The following KHDRBS2 variants were observed in gnomAD, a reference collection of about 807,000 sequenced individuals.
The protein encoded by KHDRBS2 is KH RNA binding domain containing, signal transduction associated 2, also known as KH domain-containing, RNA-binding, signal transduction-associated protein 2.
In KHDRBS2, 26 loss-of-function variants were observed where a neutral mutation model predicts 44.3. The ratio of observed to expected loss-of-function variants is 0.59; its 90% CI spans 0.43 to 0.81. KHDRBS2 has a LOEUF of 0.81. Ranked by LOEUF, KHDRBS2 falls within the 40% of genes least tolerant of loss-of-function variation. The pLI is 0.00. For missense variants in KHDRBS2, 476 were observed against 433.1 expected (o/e 1.10, Z -0.88); for synonymous variants, 194 against 151.1 (o/e 1.28, Z -2.08).
At chr6:61,961,907 T>G (rs1768819391) in intron 4 of KHDRBS2, among the ~76,000 whole-genome samples, 1 of 152,088 alleles carries the variant, frequency 6.6e-6, no homozygotes, top group Non-Finnish European at 1.5e-5. Flanking sequence ...ACGGGATCAT[T>G]CTGGCAGCTG....
At chr6:62,106,722 C>G (rs578150516) in intron 2 of KHDRBS2, among the ~76,000 whole-genome samples, 1 of 152,226 alleles carries the variant, frequency 6.6e-6, no homozygotes, top group South Asian at 2.1e-4. Flanking sequence ...AATCCAGCAG[C>G]ACATCAAAAA....
chr6:61,618,732 T>C, the KHDRBS2 span, among the ~76,000 whole-genome samples: 1 of 152,226 alleles, frequency 6.6e-6, no homozygotes, highest in Non-Finnish European at 1.5e-5. Flanking sequence ...TATCTGGTTT[T>C]CTGTTACTGT....
chr6:62,044,969 T>TG, intron 3 of KHDRBS2, among the ~76,000 whole-genome samples: 2 of 152,152 alleles, frequency 1.3e-5, no homozygotes, highest in East Asian at 3.9e-4. Flanking sequence ...ACATCCACAT[T>TG]GACATGTTGA....
intron 3 of KHDRBS2, among the ~76,000 whole-genome samples, chr6:62,020,226 G>C (rs933452192): frequency 6.6e-6 from 1 of 151,752 alleles, no homozygotes; most frequent in Non-Finnish European, 1.5e-5. Flanking sequence ...TTTTTCCAGA[G>C]GTATTATTTT....
At chr6:62,092,875 C>T (rs1286118310) in intron 2 of KHDRBS2, among the ~76,000 whole-genome samples, 2 of 151,970 alleles carry the variant, frequency 1.3e-5, no homozygotes, top group East Asian at 3.9e-4. Context: ...CACCCATTAG[C>T]CCCTCCTCTA....
chr6:61,658,567 T>A, the KHDRBS2 span, among the ~76,000 whole-genome samples: 4 of 152,034 alleles, frequency 2.6e-5, no homozygotes, highest in East Asian at 3.9e-4. Flanking sequence ...ATAGTACACC[T>A]CAAAATCACC....
intron 1 of KHDRBS2, among the ~76,000 whole-genome samples, chr6:62,239,643 G>C (rs973527813): frequency 1.3e-5 from 2 of 152,100 alleles, no homozygotes; most frequent in Non-Finnish European, 1.5e-5. Flanking sequence ...GGGGCATACT[G>C]TCAGTTTAGA....
chr6:61,626,741 C>T, the KHDRBS2 span, among the ~76,000 whole-genome samples: 3 of 152,186 alleles, frequency 2.0e-5, no homozygotes, highest in Admixed American at 6.5e-5. Flanking sequence ...CCTATGCATA[C>T]TGTCTTGTCA....
intron 6 of KHDRBS2, among the ~76,000 whole-genome samples, chr6:61,892,246 A>C (rs1303909382): frequency 6.6e-6 from 1 of 152,180 alleles, no homozygotes; most frequent in Non-Finnish European, 1.5e-5. Flanking sequence ...TCAATGAAAT[A>C]AAAGAGGATA....
At chr6:61,928,587 T>C (rs1809409500) in intron 4 of KHDRBS2, among the ~76,000 whole-genome samples, 1 of 152,100 alleles carries the variant, frequency 6.6e-6, no homozygotes, top group South Asian at 2.1e-4. Flanking sequence ...CTACTCACAA[T>C]ACATTTTTCT....
intron 6 of KHDRBS2, among the ~76,000 whole-genome samples, chr6:61,873,851 T>C (rs190200651): frequency 6.6e-6 from 1 of 152,020 alleles, no homozygotes; most frequent in African/African-American, 2.4e-5. Flanking sequence ...ATATATGCAA[T>C]AAGAGAAAAG....
chr6:61,992,444 G>T (rs542524620), intron 3 of KHDRBS2, among the ~76,000 whole-genome samples: 5 of 152,262 alleles, frequency 3.3e-5, no homozygotes, highest in Admixed American at 3.3e-4. Context: ...CAATGCAGAA[G>T]TGATTGCTCC....
chr6:62,173,654 T>G (rs927889979), intron 2 of KHDRBS2, among the ~76,000 whole-genome samples: 2 of 152,034 alleles, frequency 1.3e-5, no homozygotes, highest in Non-Finnish European at 2.9e-5. Context: ...TGAACGTAGA[T>G]GCAACAGTCC....
At chr6:62,043,229 A>G (rs1254544176) in intron 3 of KHDRBS2, among the ~76,000 whole-genome samples, 2 of 152,058 alleles carry the variant, frequency 1.3e-5, no homozygotes, top group Non-Finnish European at 2.9e-5. Context: ...CTTTGCCATC[A>G]ACACCCCCCA....
At chr6:62,035,686 C>T (rs1015514879) in intron 3 of KHDRBS2, among the ~76,000 whole-genome samples, 2 of 151,882 alleles carry the variant, frequency 1.3e-5, no homozygotes, top group Non-Finnish European at 2.9e-5. Context: ...ATGCCTTAGG[C>T]GATGGATACC....
chr6:61,920,975 G>C (rs1250046220), intron 4 of KHDRBS2, among the ~76,000 whole-genome samples: 4 of 151,894 alleles, frequency 2.6e-5, no homozygotes, highest in South Asian at 2.1e-4. Flanking sequence ...TCAGGGAAAG[G>C]AGGCAGGTGG....
intron 1 of KHDRBS2, among the ~76,000 whole-genome samples, chr6:62,270,813 A>G (rs1839969625): frequency 1.3e-5 from 2 of 152,146 alleles, no homozygotes; most frequent in Non-Finnish European, 2.9e-5. Context: ...AGATGACTGG[A>G]TGACCTATGA....
intron 6 of KHDRBS2, among the ~76,000 whole-genome samples, chr6:61,883,318 T>C (rs1396785245): frequency 1.3e-5 from 2 of 152,030 alleles, no homozygotes; most frequent in Non-Finnish European, 2.9e-5. Flanking sequence ...GATCACGGCA[T>C]TTTTTACTCC....
At chr6:61,606,931 G>A in the KHDRBS2 span, among the ~76,000 whole-genome samples, 5 of 152,162 alleles carry the variant, frequency 3.3e-5, no homozygotes, top group Admixed American at 3.3e-4. Context: ...TAGTGGTCAA[G>A]GGTTATCTGA....
Sources: allele counts gnomAD v4.1 joint callset (sites outside exome capture counted in the v4.1 genomes callset), GRCh38; gene constraint gnomAD v4.1.1; transcripts MANE v1.5; gene names NCBI Gene and HGNC (gene_info 2026-07-23, HGNC 2026-07-21).